Variants in SGCZ observed in about 807,000 individuals in gnomAD.
SGCZ encodes sarcoglycan zeta.
A neutral mutation model predicts 41.3 loss-of-function variants in SGCZ; 40 were observed. The observed-to-expected ratio is 0.97, with a 90% confidence interval of 0.75 to 1.26. The LOEUF is 1.26. Ranked by LOEUF, SGCZ falls within the 50% of genes most tolerant of loss-of-function variation. The pLI is 0.00. For missense variants in SGCZ, 552 were observed against 369.8 expected (o/e 1.49, Z -4.04); for synonymous variants, 206 against 137.5 (o/e 1.50, Z -3.49).
At chr8:14,343,448 G>A (rs1802780114) in intron 2 of SGCZ, among the ~76,000 whole-genome samples, 1 of 152,170 alleles carries the variant, frequency 6.6e-6, no homozygotes, top group Non-Finnish European at 1.5e-5. Context: ...AAGATCCTGG[G>A]AAAAAGAGAG....
chr8:14,940,144 CAAA>C (rs759051058), intron 1 of SGCZ, among the ~76,000 whole-genome samples: 1 of 152,058 alleles, frequency 6.6e-6, no homozygotes, highest in Non-Finnish European at 1.5e-5. Context: ...CAGTGATAAT[CAAA>C]AGCCAAAATA....
chr8:14,301,066 C>CATT (rs1393178859), intron 3 of SGCZ, among the ~76,000 whole-genome samples: 5 of 136,608 alleles, frequency 3.7e-5, no homozygotes, highest in African/African-American at 1.4e-4. Context: ...AGAAAATCAT[C>CATT]ATCATCATCA....
At position 15,007,391 on chromosome 8, in the gene SGCZ, G is replaced by T. The variant is rs576784127; in HGVS notation, c.39+230194C>A. On this transcript the variant is annotated intron_variant, in intron 1 of 7. Transcript: ENST00000382080. ...ATCTTGCAATTTGTTAAAAACTCTT[G>T]AATTCAGCATTGTAGTTCTCTAAAA... Among the ~76,000 whole-genome samples the T allele has an allele frequency of 3.3e-5, 5 of 152,248 alleles. 1 individual carries two copies. In the South Asian group the frequency reaches 1.0e-3, roughly 31 times the overall value.
intron 5 of SGCZ, among the ~76,000 whole-genome samples, chr8:14,127,211 G>C (rs1367975718): frequency 6.6e-6 from 1 of 152,118 alleles, no homozygotes; most frequent in Non-Finnish European, 1.5e-5. Context: ...ATTATTGTCA[G>C]TGAGAAAGCA....
intron 1 of SGCZ, among the ~76,000 whole-genome samples, chr8:14,936,449 C>G (rs1167726989): frequency 2.0e-5 from 3 of 151,794 alleles, no homozygotes; most frequent in Non-Finnish European, 4.4e-5. Flanking sequence ...TTATTGAAAA[C>G]TGTACTTAAA....
intron 1 of SGCZ, among the ~76,000 whole-genome samples, chr8:14,940,014 A>G (rs1313172771): frequency 6.6e-6 from 1 of 152,178 alleles, no homozygotes; most frequent in Admixed American, 6.6e-5. Flanking sequence ...GAAGTAATTC[A>G]GTTAGGTGAC....
chr8:14,501,062 G>C (rs1347784385), intron 2 of SGCZ, among the ~76,000 whole-genome samples: 2 of 151,990 alleles, frequency 1.3e-5, no homozygotes, highest in Non-Finnish European at 2.9e-5. Flanking sequence ...TCAAAATCAA[G>C]CTGTTAGTAG....
intron 1 of SGCZ, among the ~76,000 whole-genome samples, chr8:14,875,690 G>T (rs556905993): frequency 3.3e-5 from 5 of 152,232 alleles, no homozygotes; most frequent in African/African-American, 1.2e-4. Flanking sequence ...CATTTAAGGT[G>T]TAAGTAACTA....
chr8:15,166,213 G>C (rs1474847243), intron 1 of SGCZ, among the ~76,000 whole-genome samples: 1 of 150,566 alleles, frequency 6.6e-6, no homozygotes, highest in Non-Finnish European at 1.5e-5. Flanking sequence ...ACATGGGATT[G>C]CCAAAATGAT....
At chr8:14,377,044 G>A (rs983049403) in intron 2 of SGCZ, among the ~76,000 whole-genome samples, 1 of 152,102 alleles carries the variant, frequency 6.6e-6, no homozygotes, top group Non-Finnish European at 1.5e-5. Flanking sequence ...CCATATCTGA[G>A]CTCATGATAA....
intron 6 of SGCZ, among the ~76,000 whole-genome samples, chr8:14,105,247 ACACT>A (rs1802167727): frequency 1.3e-5 from 2 of 152,260 alleles, no homozygotes; most frequent in Non-Finnish European, 2.9e-5. Context: ...GAAATACTAG[ACACT>A]CACTCATCAA....
intron 1 of SGCZ, among the ~76,000 whole-genome samples, chr8:15,193,470 T>C (rs1800608053): frequency 6.6e-6 from 1 of 152,040 alleles, no homozygotes; most frequent in East Asian, 1.9e-4. Context: ...TGTAAAACTC[T>C]ATACAGTAGG....
At chr8:14,587,313 T>C (rs1466985701) in intron 1 of SGCZ, among the ~76,000 whole-genome samples, 3 of 150,448 alleles carry the variant, frequency 2.0e-5, no homozygotes, top group Admixed American at 6.6e-5. Flanking sequence ...CAAAAGAAAA[T>C]ATTGTAAAAT....
At chr8:14,141,788 C>T (rs1803378201) in intron 5 of SGCZ, among the ~76,000 whole-genome samples, 1 of 152,146 alleles carries the variant, frequency 6.6e-6, no homozygotes, top group African/African-American at 2.4e-5. Context: ...ACTAGAAAAA[C>T]CATTTGACCC....
intron 2 of SGCZ, among the ~76,000 whole-genome samples, chr8:14,379,790 G>A (rs1804291099): frequency 6.6e-6 from 1 of 152,074 alleles, no homozygotes; most frequent in Admixed American, 6.6e-5. Flanking sequence ...GGAGTACAGT[G>A]GCTCGATCTC....
chr8:14,743,251 T>A (rs1487337688), intron 1 of SGCZ, among the ~76,000 whole-genome samples: 3 of 152,078 alleles, frequency 2.0e-5, no homozygotes, highest in East Asian at 1.9e-4. Context: ...TATTAATATA[T>A]TTTACCTTTA....
At chr8:14,330,202 T>G (rs1802263007) in intron 2 of SGCZ, among the ~76,000 whole-genome samples, 1 of 152,144 alleles carries the variant, frequency 6.6e-6, no homozygotes, top group Non-Finnish European at 1.5e-5. Flanking sequence ...CTTTAAAAGT[T>G]TATGATCAAT....
chr8:14,627,490 C>T (rs184445387), intron 1 of SGCZ, among the ~76,000 whole-genome samples: 11 of 152,180 alleles, frequency 7.2e-5, no homozygotes, highest in Non-Finnish European at 1.0e-4. Context: ...CCTATCCTCA[C>T]AAAGTCTTAT....
intron 3 of SGCZ, among the ~76,000 whole-genome samples, chr8:14,255,142 A>C (rs1799415390): frequency 6.6e-6 from 1 of 152,044 alleles, no homozygotes. Context: ...GACACTACAC[A>C]AGTCACTACG....
Sources: gnomAD v4.1 joint callset for allele counts (sites outside exome capture counted in the v4.1 genomes callset) on GRCh38, gnomAD v4.1.1 for gene constraint, MANE v1.5 for transcripts, NCBI Gene and HGNC (gene_info 2026-07-23, HGNC 2026-07-21) for gene names.